The following RBFOX1 variants were observed in gnomAD, a reference collection of about 807,000 sequenced individuals.
The protein encoded by RBFOX1 is RNA binding fox-1 homolog 1.
In RBFOX1, 8 loss-of-function variants were observed where a neutral mutation model predicts 57.7. The ratio of observed to expected loss-of-function variants is 0.14; its 90% CI spans 0.08 to 0.25. RBFOX1 has a LOEUF of 0.25. Ranked by LOEUF, RBFOX1 falls within the 10% of genes least tolerant of loss-of-function variation. The probability of loss-of-function intolerance (pLI) is 1.00; values close to 1 mark genes in which losing one functional copy is unlikely to be tolerated. For synonymous variants in RBFOX1, 326 were observed against 222.4 expected (o/e 1.47, Z -4.15); for missense variants, 611 against 548.5 (o/e 1.11, Z -1.14).
At chr16:7,177,499 A>AG (rs2152498819) in intron 4 of RBFOX1, among the ~76,000 whole-genome samples, 1 of 151,990 alleles carries the variant, frequency 6.6e-6, no homozygotes, top group African/African-American at 2.4e-5. Flanking sequence ...AAAAAAAAAA[A>AG]AGAATACAAA....
At chr16:6,715,747 G>A (rs1253658327) in intron 3 of RBFOX1, among the ~76,000 whole-genome samples, 1 of 152,150 alleles carries the variant, frequency 6.6e-6, no homozygotes, top group African/African-American at 2.4e-5. Flanking sequence ...CAGTGAATTG[G>A]CAAGAAGTGA....
chr16:6,812,407 C>T (rs1029659661), intron 3 of RBFOX1, among the ~76,000 whole-genome samples: 1 of 152,048 alleles, frequency 6.6e-6, no homozygotes. Flanking sequence ...GAGTCTGGGT[C>T]TTGTCACCCA....
intron 1 of RBFOX1, among the ~76,000 whole-genome samples, chr16:6,098,275 A>G (rs77425683): frequency 0.029 from 4,422 of 152,268 alleles, 123 homozygotes; most frequent in East Asian, 0.089. Context: ...TGACAGGCCC[A>G]AGGTCACCTG....
intron 2 of RBFOX1, among the ~76,000 whole-genome samples, chr16:5,589,044 C>T (rs1414992071): frequency 6.6e-6 from 1 of 152,182 alleles, no homozygotes; most frequent in Admixed American, 6.5e-5. Context: ...ATAGAGAGGG[C>T]ATCCATCAGG....
At chr16:6,395,053 T>A (rs7191770) in intron 2 of RBFOX1, among the ~76,000 whole-genome samples, 6,655 of 152,234 alleles carry the variant, frequency 0.044, 454 homozygotes, top group African/African-American at 0.15. Context: ...GGTTAGGTGG[T>A]ATAGGCAATA....
chr16:5,508,000 A>G (rs2043437935), intron 2 of RBFOX1, among the ~76,000 whole-genome samples: 1 of 152,146 alleles, frequency 6.6e-6, no homozygotes, highest in African/African-American at 2.4e-5. Context: ...CATGGCATTG[A>G]CCCATGAGCA....
intron 3 of RBFOX1, among the ~76,000 whole-genome samples, chr16:5,866,905 A>G (rs1196814491): frequency 1.3e-5 from 2 of 152,178 alleles, no homozygotes; most frequent in Non-Finnish European, 2.9e-5. Context: ...GGTGTTTCTC[A>G]TAACACTGAC....
chr16:5,830,939 A>G (rs2056245085), intron 3 of RBFOX1, among the ~76,000 whole-genome samples: 1 of 150,270 alleles, frequency 6.7e-6, no homozygotes, highest in African/African-American at 2.4e-5. Flanking sequence ...AAATTAACTC[A>G]GACTGTCTCA....
At chr16:6,490,785 C>G (rs986801482) in intron 2 of RBFOX1, among the ~76,000 whole-genome samples, 5 of 152,220 alleles carry the variant, frequency 3.3e-5, no homozygotes, top group Non-Finnish European at 4.4e-5. Flanking sequence ...GAATCCATTA[C>G]TGTTCTTTAT....
At chr16:6,872,759 CA>C (rs1293874945) in intron 3 of RBFOX1, among the ~76,000 whole-genome samples, 2 of 151,732 alleles carry the variant, frequency 1.3e-5, no homozygotes, top group Admixed American at 1.3e-4. Context: ...GTTAAAAGTG[CA>C]AAAAAATAAA....
intron 4 of RBFOX1, among the ~76,000 whole-genome samples, chr16:7,212,543 C>G (rs914593757): frequency 6.6e-6 from 1 of 152,076 alleles, no homozygotes; most frequent in African/African-American, 2.4e-5. Flanking sequence ...TGGGATCAGT[C>G]CTGGGCACGA....
intron 4 of RBFOX1, among the ~76,000 whole-genome samples, chr16:7,273,577 T>C (rs1012099587): frequency 1.3e-5 from 2 of 152,176 alleles, no homozygotes; most frequent in Admixed American, 6.5e-5. Flanking sequence ...ATTTTTTCAA[T>C]GGAAAAGTTG....
chr16:6,577,580 ACT>A (rs1266269265), intron 2 of RBFOX1, among the ~76,000 whole-genome samples: 1 of 152,138 alleles, frequency 6.6e-6, no homozygotes, highest in Non-Finnish European at 1.5e-5. Context: ...GTTCTGGGAC[ACT>A]CTACAGAGAA....
intron 4 of RBFOX1, among the ~76,000 whole-genome samples, chr16:7,166,612 T>G (rs551987828): frequency 3.6e-4 from 55 of 152,254 alleles, no homozygotes; most frequent in Middle Eastern, 3.4e-3. Flanking sequence ...GTTGTTGTCA[T>G]GGACTGGCCC....
chr16:5,375,642 C>T (rs762426206), intron 1 of RBFOX1, among the ~76,000 whole-genome samples: 17 of 152,152 alleles, frequency 1.1e-4, no homozygotes, highest in South Asian at 4.1e-4. Flanking sequence ...TTGTAATATC[C>T]AGTATTTATG....
intron 3 of RBFOX1, among the ~76,000 whole-genome samples, chr16:5,757,100 C>T (rs920488199): frequency 6.6e-6 from 1 of 152,130 alleles, no homozygotes; most frequent in Non-Finnish European, 1.5e-5. Flanking sequence ...AAATTAAGAA[C>T]CAAGTTGACT....
chr16:5,627,575 A>G (rs1249048937), intron 3 of RBFOX1, among the ~76,000 whole-genome samples: 1 of 152,228 alleles, frequency 6.6e-6, no homozygotes, highest in Non-Finnish European at 1.5e-5. Context: ...CGACAACTTT[A>G]TAATAAATAA....
intron 1 of RBFOX1, among the ~76,000 whole-genome samples, chr16:5,394,923 C>G (rs767837126): frequency 6.6e-6 from 1 of 152,086 alleles, no homozygotes. Context: ...TCCTCACTGG[C>G]CACCTTGTGT....
chr16:7,097,944 G>C (rs934415683), intron 4 of RBFOX1, among the ~76,000 whole-genome samples: 2 of 152,182 alleles, frequency 1.3e-5, no homozygotes, highest in Non-Finnish European at 2.9e-5. Context: ...TTGAGGATCA[G>C]AAATACAAAA....
Sources: allele counts gnomAD v4.1 joint callset (sites outside exome capture counted in the v4.1 genomes callset), GRCh38; gene constraint gnomAD v4.1.1; transcripts MANE v1.5; gene names NCBI Gene and HGNC (gene_info 2026-07-23, HGNC 2026-07-21).